PDE11A: variants seen among roughly 807,000 people sequenced by gnomAD.
PDE11A encodes dual 3',5'-cyclic-AMP and -GMP phosphodiesterase 11A.
PDE11A carries 100 observed loss-of-function variants against 100.5 expected under a neutral mutation model. The ratio of observed to expected loss-of-function variants is 1.00; its 90% confidence interval spans 0.85 to 1.18. The LOEUF (loss-of-function observed/expected upper bound fraction) is 1.18. Among genes scored for constraint, PDE11A ranks in the 50% most tolerant of loss-of-function variants. The probability of loss-of-function intolerance (pLI) is 0.00; values close to 1 mark genes in which losing one functional copy is unlikely to be tolerated. For synonymous variants in PDE11A, 381 were observed against 420.8 expected, an observed-to-expected ratio of 0.91 and a Z score of 1.16; for missense variants, 1,141 against 1,152.6, an observed-to-expected ratio of 0.99 and a Z score of 0.15.
chr2:177,900,508 C>A (rs2084679349), intron 3 of PDE11A, among the ~76,000 whole-genome samples: 1 of 152,196 alleles, frequency 6.6e-6, no homozygotes. Context: ...ATAATCCCAG[C>A]ACTTTGGGAG....
Position 177,844,981 on chromosome 2 carries a change from C to G in PDE11A, c.1368-4598G>C, listed in dbSNP as rs865848386. Among the ~76,000 whole-genome samples, 700 of 151,578 alleles carry G rather than the reference C, an allele frequency of 4.6e-3. 6 individuals carry two copies. Among genetic ancestry groups the G allele is most frequent in the African/African-American group, 0.016 (654 of 41,444 alleles). ...CAACCATCCGATTTCTCAATCTTTTCCCCACCTTTCCCGCCTTTCTATTCC... is the reference window on the plus strand; with the variant it reads ...CAACCATCCGATTTCTCAATCTTTTGCCCACCTTTCCCGCCTTTCTATTCC... On this transcript the variant is annotated intron_variant, in intron 5 of 19. Transcript: ENST00000286063.
At chr2:178,073,777 G>T (rs1396172088), upstream of PDE11A, among the ~76,000 whole-genome samples, 1 of 152,122 alleles carries the variant, frequency 6.6e-6, no homozygotes, top group Non-Finnish European at 1.5e-5. Flanking sequence ...TGTTGAAACT[G>T]GCTTGTAAGG....
intron 2 of PDE11A, among the ~76,000 whole-genome samples, chr2:177,937,866 A>T (rs2085296032): frequency 6.6e-6 from 1 of 152,194 alleles, no homozygotes; most frequent in Admixed American, 6.5e-5. Flanking sequence ...AAAAGGCTAT[A>T]GATTTATTTT....
At chr2:178,065,401 A>G (rs1387156763) in intron 1 of PDE11A, among the ~76,000 whole-genome samples, 1 of 152,258 alleles carries the variant, frequency 6.6e-6, no homozygotes, top group Non-Finnish European at 1.5e-5. Context: ...TGGTCAGAAT[A>G]GTAAACATTT....
At chr2:178,081,059 C>T (rs1982130) in intron 2 of PDE11A, among the ~76,000 whole-genome samples, 131,535 of 152,166 alleles carry the variant, frequency 0.86, 57,470 homozygotes, top group Non-Finnish European at 0.92. Flanking sequence ...GCCAAATTAA[C>T]CTTACTAATG....
intron 18 of PDE11A, among the ~76,000 whole-genome samples, chr2:177,666,904 A>AATTTATTTATTT (rs3056898): frequency 0.091 from 12,908 of 141,298 alleles, 989 homozygotes; most frequent in African/African-American, 0.19. Flanking sequence ...GATAAAGTTC[A>AATTTATTTATTT]ATTTATTTAT....
At chr2:177,646,450 G>A (rs1227310322) in intron 19 of PDE11A, among the ~76,000 whole-genome samples, 1 of 152,206 alleles carries the variant, frequency 6.6e-6, no homozygotes, top group African/African-American at 2.4e-5. Flanking sequence ...GAATGGTGCT[G>A]TGAGATAGCT....
intron 16 of PDE11A, among the ~76,000 whole-genome samples, chr2:177,680,151 C>A (rs1380844292): frequency 1.3e-5 from 2 of 152,032 alleles, no homozygotes; most frequent in African/African-American, 4.8e-5. Flanking sequence ...TGTGCCCTAA[C>A]CCTGGCCTCA....
chr2:177,675,104 T>TA (rs3835949), intron 17 of PDE11A, among the ~76,000 whole-genome samples: 27 of 150,828 alleles, frequency 1.8e-4, no homozygotes, highest in African/African-American at 4.6e-4. Context: ...TTTCAGATAT[T>TA]AAAAAAAAAG....
chr2:177,980,440 A>G (rs546037220), intron 2 of PDE11A, among the ~76,000 whole-genome samples: 6 of 150,948 alleles, frequency 4.0e-5, no homozygotes, highest in East Asian at 1.9e-4. Flanking sequence ...TGTAACATAG[A>G]CATAAGTATT....
chr2:177,632,800 G>A (rs1027310601), intron 19 of PDE11A, among the ~76,000 whole-genome samples: 1 of 152,142 alleles, frequency 6.6e-6, no homozygotes, highest in African/African-American at 2.4e-5. Context: ...TAGGGGAAGT[G>A]ACTTACCCAC....
At chr2:177,977,904 C>A (rs1255657183) in intron 2 of PDE11A, among the ~76,000 whole-genome samples, 5 of 30,564 alleles carry the variant, frequency 1.6e-4, no homozygotes, top group African/African-American at 4.5e-4. Flanking sequence ...CCCTTCCTTA[C>A]ACCTTATACA....
intron 2 of PDE11A, among the ~76,000 whole-genome samples, chr2:177,950,650 G>A (rs527708886): frequency 6.6e-6 from 1 of 152,166 alleles, no homozygotes; most frequent in Non-Finnish European, 1.5e-5. Flanking sequence ...TCCTTCTCAC[G>A]CCTGTAATCC....
At chr2:177,822,655 T>A (rs1040941053) in intron 6 of PDE11A, among the ~76,000 whole-genome samples, 3 of 152,160 alleles carry the variant, frequency 2.0e-5, no homozygotes, top group African/African-American at 4.8e-5. Context: ...TTTATCGGTA[T>A]TTTTTGAATC....
In PDE11A at chr2:177,997,108, TAA is replaced by T. The variant is rs1330620530; in HGVS notation, c.1071+17192_1071+17193del. Among the ~76,000 whole-genome samples, 12 of 152,306 alleles carry T rather than the reference TAA, an allele frequency of 7.9e-5. No individual in the cohort carries two copies. The East Asian group carries it at 2.1e-3, about 27-fold the overall frequency. Reference sequence around the variant, plus strand: ...TTTTAGCTGAAGGCAGCAGTCTGTTTAAAGGGACACCCCCGGAAATCCAATGA... The same window carrying T: ...TTTTAGCTGAAGGCAGCAGTCTGTTTAGGGACACCCCCGGAAATCCAATGA... On this transcript the variant is annotated intron_variant, in intron 2 of 19. Coordinates refer to ENST00000286063, the MANE Select transcript of PDE11A (RefSeq NM_016953.4).
At chr2:178,050,298 AG>A (rs545759581) in intron 1 of PDE11A, among the ~76,000 whole-genome samples, 234 of 152,362 alleles carry the variant, frequency 1.5e-3, no homozygotes, top group Non-Finnish European at 2.9e-3. Context: ...CCTGACTGTT[AG>A]AAGGAAAACT....
In PDE11A at chr2:178,072,770, C is replaced by G; in HGVS notation, c.-333G>C. ...GCCGCCGCTGCTGCTGGAACTGCTG[C>G]TGTAACCGGATGAGTGGACCGCTGT... On this transcript the variant is annotated 5_prime_UTR_variant, in exon 1 of 20. Transcript: ENST00000286063. The G allele has an allele frequency of 7.9e-7, 1 of 1,273,174 alleles. No homozygotes were observed. The highest frequency in any genetic ancestry group is 1.0e-6 in the Non-Finnish European group (1 of 998,730). 78.9% of individuals were successfully genotyped at this position (1,273,174 alleles called of 1,614,324 possible).
chr2:177,881,998 A>T (rs6733229), intron 4 of PDE11A, among the ~76,000 whole-genome samples: 3,422 of 152,326 alleles, frequency 0.022, 60 homozygotes, highest in East Asian at 0.075. Flanking sequence ...ATTCTTGGAG[A>T]CATAATCTTT....
chr2:178,060,937 C>CTTTTTTTTTTTTTTT (rs71010855), intron 1 of PDE11A, among the ~76,000 whole-genome samples: 1 of 75,678 alleles, frequency 1.3e-5, no homozygotes, highest in Non-Finnish European at 2.3e-5. Context: ...TGTAAATATT[C>CTTTTTTTTTTTTTTT]TTTTTTTTTT....
Sources: allele counts gnomAD v4.1 joint callset (sites outside exome capture counted in the v4.1 genomes callset), GRCh38; gene constraint gnomAD v4.1.1; transcripts MANE v1.5; gene names NCBI Gene and HGNC (gene_info 2026-07-23, HGNC 2026-07-21).